The following DIPK1A variants were observed in gnomAD, a reference collection of about 807,000 sequenced individuals.
DIPK1A encodes divergent protein kinase domain 1A.
DIPK1A carries 27 observed loss-of-function variants against 40.8 expected under a neutral mutation model. The observed-to-expected ratio is 0.66, with a 90% CI of 0.49 to 0.91. The LOEUF (loss-of-function observed/expected upper bound fraction) is 0.91. Among genes scored for constraint, DIPK1A ranks in the 40% least tolerant of loss-of-function variants. The probability of loss-of-function intolerance (pLI) is 0.00; values close to 1 mark genes in which losing one functional copy is unlikely to be tolerated. For synonymous variants in DIPK1A, 166 were observed against 171.3 expected (o/e 0.97, Z 0.24); for missense variants, 412 against 505.7 (o/e 0.81, Z 1.78).
downstream of DIPK1A, chr1:92,840,254 T>G (rs1021927791): frequency 1.6e-5 from 6 of 363,740 alleles, no homozygotes; most frequent in African/African-American, 1.3e-4. Flanking sequence ...GAAGTGATCC[T>G]CCCACTTCAG....
intron 1 of DIPK1A, among the ~76,000 whole-genome samples, chr1:92,910,711 A>G (rs2100835715): frequency 6.6e-6 from 1 of 152,282 alleles, no homozygotes; most frequent in East Asian, 1.9e-4. Context: ...ATAATGGTGC[A>G]ATGATATGCA....
At chr1:92,836,519 A>C in intron 4 of DIPK1A, 1 of 818,382 alleles carries the variant, frequency 1.2e-6, no homozygotes, top group South Asian at 1.4e-5. Context: ...CCTAGGTACC[A>C]TGCAGGAGGA....
downstream of DIPK1A, among the ~76,000 whole-genome samples, chr1:92,838,688 G>A (rs911622784): frequency 1.3e-5 from 2 of 152,142 alleles, no homozygotes; most frequent in African/African-American, 2.4e-5. Context: ...CTCAATTCAG[G>A]CATTATCTAC....
chr1:92,877,002 A>G (rs940921757), intron 1 of DIPK1A: 67 of 985,260 alleles, frequency 6.8e-5, no homozygotes, highest in Non-Finnish European at 8.0e-5. Context: ...CAAATGTTTC[A>G]CCGAATAGAT....
Position 92,842,652 on chromosome 1 carries a change from A to C in DIPK1A, c.*731T>G, listed in dbSNP as rs1229617250. On this transcript the variant is annotated 3_prime_UTR_variant, in exon 5 of 5. Coordinates refer to ENST00000370310, the MANE Select transcript of DIPK1A (RefSeq NM_001006605.5). ...CATAGTTCAAAATCAGGATATGTGG[A>C]TCTTGATTGGGCCTTAAGATGTCAG... The C allele has an allele frequency of 9.1e-6, 9 of 985,300 alleles. No individual in the cohort carries two copies. The highest frequency in any genetic ancestry group is 1.1e-5 in the Non-Finnish European group (9 of 829,928). 61.0% of individuals were successfully genotyped at this position (985,300 alleles called of 1,614,324 possible).
At chr1:92,841,271 G>A (rs1159939959), downstream of DIPK1A, among the ~76,000 whole-genome samples, 2 of 152,160 alleles carry the variant, frequency 1.3e-5, no homozygotes, top group Admixed American at 1.3e-4. Context: ...TGAATATGAA[G>A]TATTTGTCTT....
At position 92,835,102 on chromosome 1, in the gene DIPK1A, A is replaced by G. The variant is rs1034779027; in HGVS notation, c.475-2068T>C. 12 of 769,102 alleles carry G rather than the reference A, an allele frequency of 1.6e-5. No homozygotes were observed. The African/African-American group carries it at 1.7e-4, about 11-fold the overall frequency. The allele number at this position is 769,102 out of a possible 1,614,324, so 47.6% of individuals were successfully genotyped here. On this transcript the variant is annotated intron_variant, in intron 4 of 4. Coordinates refer to the DIPK1A transcript ENST00000615519. ...CAATAAAATTTTCTGCAATGACACAAATCTGTAATTTGCTGTCCAGTGGTT... is the reference window on the plus strand; with the variant it reads ...CAATAAAATTTTCTGCAATGACACAGATCTGTAATTTGCTGTCCAGTGGTT...
intron 1 of DIPK1A, among the ~76,000 whole-genome samples, chr1:92,927,470 G>A (rs1416191750): frequency 2.0e-5 from 3 of 148,784 alleles, no homozygotes; most frequent in African/African-American, 7.5e-5. Context: ...GCCTCCCCAA[G>A]TGCTGGGATT....
chr1:92,935,873 G>A (rs36014061), intron 1 of DIPK1A, among the ~76,000 whole-genome samples: 243 of 152,104 alleles, frequency 1.6e-3, no homozygotes, highest in Non-Finnish European at 2.7e-3. Context: ...AGGAGTTCAC[G>A]ACCAGCCTGG....
At chr1:92,881,539 C>T (rs1648376995) in intron 1 of DIPK1A, among the ~76,000 whole-genome samples, 1 of 152,114 alleles carries the variant, frequency 6.6e-6, no homozygotes, top group Non-Finnish European at 1.5e-5. Flanking sequence ...AGATAATTTT[C>T]ACATGCTTAG....
chr1:92,900,444 TTC>T (rs771951038), intron 1 of DIPK1A, among the ~76,000 whole-genome samples: 111 of 152,302 alleles, frequency 7.3e-4, no homozygotes, highest in African/African-American at 2.4e-3. Context: ...GCTGCAAATT[TTC>T]TGTTTGGTTC....
intron 1 of DIPK1A, among the ~76,000 whole-genome samples, chr1:92,954,454 T>C (rs1031134440): frequency 1.4e-5 from 2 of 138,984 alleles, no homozygotes; most frequent in Non-Finnish European, 3.0e-5. Flanking sequence ...CTTGGCTCAC[T>C]GCAACCTCCA....
At chr1:92,952,582 C>T (rs543305877) in intron 1 of DIPK1A, among the ~76,000 whole-genome samples, 283 of 152,148 alleles carry the variant, frequency 1.9e-3, no homozygotes, top group Non-Finnish European at 3.1e-3. Context: ...GCCATGATGA[C>T]GCCACTGCAC....
Position 92,842,333 on chromosome 1 carries a change from T to G in DIPK1A, c.*1050A>C. 1.0e-6 allele frequency: 1 copy of G among 986,016 alleles called. No homozygotes were observed. Among genetic ancestry groups the G allele is most frequent in the African/African-American group, 1.7e-5 (1 of 57,362 alleles). 61.1% of individuals were successfully genotyped at this position (986,016 alleles called of 1,614,324 possible). A position where few individuals can be genotyped will look rare whatever the true frequency, so the allele number is the denominator to read the frequency against. On this transcript the variant is annotated 3_prime_UTR_variant, in exon 5 of 5. Coordinates refer to ENST00000370310, the MANE Select transcript of DIPK1A (RefSeq NM_001006605.5). ...GTTCCACTTTAGGTAGGCGAAACCT[T>G]TGAGCAGAAAATAGTGGTTCTTTTC...
chr1:92,840,849 G>A, downstream of DIPK1A: 1 of 686,398 alleles, frequency 1.5e-6, no homozygotes, highest in Non-Finnish European at 2.7e-6. Flanking sequence ...TCCTAGTACA[G>A]TCTAAGTACT....
At chr1:92,926,082 A>C (rs1208323497) in intron 1 of DIPK1A, among the ~76,000 whole-genome samples, 1 of 151,814 alleles carries the variant, frequency 6.6e-6, no homozygotes, top group Non-Finnish European at 1.5e-5. Flanking sequence ...GATATCTGCT[A>C]TTGTCTTTAC....
chr1:92,840,265 A>G, downstream of DIPK1A: 1 of 373,224 alleles, frequency 2.7e-6, no homozygotes, highest in East Asian at 6.3e-5. Context: ...CCCACTTCAG[A>G]CTCCCAAAGT....
At chr1:92,915,796 A>G (rs1242843454) in intron 1 of DIPK1A, among the ~76,000 whole-genome samples, 3 of 152,218 alleles carry the variant, frequency 2.0e-5, no homozygotes, top group Non-Finnish European at 4.4e-5. Flanking sequence ...CTAAAAATAT[A>G]TGTCCACACA....
At chr1:92,913,433 T>C (rs1649916323) in intron 1 of DIPK1A, among the ~76,000 whole-genome samples, 1 of 152,242 alleles carries the variant, frequency 6.6e-6, no homozygotes. Context: ...GGAGAACATT[T>C]CTGCTTCGAG....
Sources: allele counts gnomAD v4.1 joint callset (sites outside exome capture counted in the v4.1 genomes callset), GRCh38; gene constraint gnomAD v4.1.1; transcripts MANE v1.5; gene names NCBI Gene and HGNC (gene_info 2026-07-23, HGNC 2026-07-21).